The following SWT1 variants were observed in gnomAD, a reference collection of about 807,000 sequenced individuals.
The protein encoded by SWT1 is SWT1 RNA endoribonuclease homolog, also known as transcriptional protein SWT1.
SWT1 carries 33 observed loss-of-function variants against 107.3 expected under a neutral mutation model. That is an observed-to-expected ratio of 0.31 (90% CI 0.23 to 0.41). The LOEUF is 0.41. Among genes scored for constraint, SWT1 ranks in the 10% least tolerant of loss-of-function variants. The pLI is 1.00. For synonymous variants in SWT1, 345 were observed against 348.3 expected, an observed-to-expected ratio of 0.99 and a Z score of 0.11; for missense variants, 898 against 1,028.9, an observed-to-expected ratio of 0.87 and a Z score of 1.74.
intron 16 of SWT1, among the ~76,000 whole-genome samples, chr1:185,258,952 C>A (rs529206786): frequency 2.0e-5 from 3 of 152,184 alleles, no homozygotes; most frequent in Admixed American, 2.0e-4. Flanking sequence ...TCTCGTCATT[C>A]TATCAGCCAT....
intron 18 of SWT1, among the ~76,000 whole-genome samples, chr1:185,285,070 G>A (rs1275604154): frequency 6.6e-6 from 1 of 152,066 alleles, no homozygotes; most frequent in Non-Finnish European, 1.5e-5. Flanking sequence ...TACCTCCACT[G>A]AGGCTTCCTT....
At chr1:185,217,491 T>A (rs1284864477) in intron 14 of SWT1, among the ~76,000 whole-genome samples, 1 of 152,170 alleles carries the variant, frequency 6.6e-6, no homozygotes, top group Non-Finnish European at 1.5e-5. Flanking sequence ...CCTGATGATC[T>A]GTCACTGTCT....
At chr1:185,267,765 A>G (rs1279318940) in intron 16 of SWT1, among the ~76,000 whole-genome samples, 5 of 152,176 alleles carry the variant, frequency 3.3e-5, no homozygotes, top group African/African-American at 2.4e-5. Context: ...CCCAAGGGCT[A>G]ATTTCTTGAT....
chr1:185,193,134 C>G (rs768316364), intron 10 of SWT1, among the ~76,000 whole-genome samples: 10 of 152,090 alleles, frequency 6.6e-5, no homozygotes, highest in Admixed American at 5.9e-4. Flanking sequence ...CCTTGTGACT[C>G]TTTCTCTGAC....
chr1:185,257,748 C>G (rs1268682132), intron 16 of SWT1, among the ~76,000 whole-genome samples: 1 of 152,278 alleles, frequency 6.6e-6, no homozygotes, highest in African/African-American at 2.4e-5. Flanking sequence ...TTCTGCGTCG[C>G]TCACGCTGGT....
intron 17 of SWT1, among the ~76,000 whole-genome samples, chr1:185,276,327 T>C (rs1664236643): frequency 6.6e-6 from 1 of 152,152 alleles, no homozygotes; most frequent in Non-Finnish European, 1.5e-5. Context: ...ATAATCTTAT[T>C]TGTGTTTTTC....
rs1653651925 is a variant in SWT1, at chr1:185,157,195, A to G, written c.-129A>G. ...TAGGTAGTGCGGATGCGGGCGCAGA[A>G]CTACGTTTCCCAGCAGGCATACAGT... On this transcript the variant is annotated 5_prime_UTR_variant, in exon 1 of 19. Transcript: ENST00000367500. The G allele has an allele frequency of 1.3e-5, 2 of 158,788 alleles. No homozygotes were observed. Among genetic ancestry groups the G allele is most frequent in the Admixed American group, 6.2e-5 (1 of 16,076 alleles). The allele number at this position is 158,788 out of a possible 1,614,324, so 9.8% of individuals were successfully genotyped here. A position where few individuals can be genotyped will look rare whatever the true frequency, so the allele number is the denominator to read the frequency against.
Position 185,172,425 on chromosome 1 carries a change from C to T in SWT1, c.225-1947C>T, listed in dbSNP as rs796699149. 1.4e-3 allele frequency among the ~76,000 whole-genome samples: 217 copies of T among 152,148 alleles called. 2 individuals are homozygous for T. The highest frequency in any genetic ancestry group is 5.0e-3 in the African/African-American group (208 of 41,490). ...ATCCTTTTAAAAAACTGTGATATTC[C>T]GTCATATGAATATGTCACTTTTTAA... On this transcript the variant is annotated intron_variant, in intron 4 of 18. Coordinates refer to ENST00000367500, the MANE Select transcript of SWT1 (RefSeq NM_017673.7).
chr1:185,192,782 A>G (rs1326647664), intron 10 of SWT1, among the ~76,000 whole-genome samples: 1 of 151,294 alleles, frequency 6.6e-6, no homozygotes, highest in African/African-American at 2.4e-5. Context: ...CAAGAAGCTG[A>G]GATTACAGGT....
intron 16 of SWT1, among the ~76,000 whole-genome samples, chr1:185,258,418 G>A (rs1394042551): frequency 6.6e-6 from 1 of 151,972 alleles, no homozygotes; most frequent in Admixed American, 6.5e-5. Context: ...TGCTTTATTA[G>A]TTTTTTAAAA....
chr1:185,210,305 G>A (rs1043785395), intron 13 of SWT1, among the ~76,000 whole-genome samples: 1 of 152,174 alleles, frequency 6.6e-6, no homozygotes, highest in Non-Finnish European at 1.5e-5. Flanking sequence ...TCATGCCTAT[G>A]CCCTGAATGG....
intron 16 of SWT1, among the ~76,000 whole-genome samples, chr1:185,259,737 A>G (rs752908084): frequency 6.6e-6 from 1 of 152,126 alleles, no homozygotes; most frequent in Non-Finnish European, 1.5e-5. Flanking sequence ...TTTTCCCTCT[A>G]TAGGGAAATT....
chr1:185,245,398 T>C (rs1395102989), intron 16 of SWT1, among the ~76,000 whole-genome samples: 1 of 152,180 alleles, frequency 6.6e-6, no homozygotes, highest in Admixed American at 6.5e-5. Flanking sequence ...CACATGGAGC[T>C]GTCTCCTATG....
chr1:185,191,400 G>T (rs1656937924), intron 10 of SWT1, among the ~76,000 whole-genome samples: 1 of 151,996 alleles, frequency 6.6e-6, no homozygotes, highest in Non-Finnish European at 1.5e-5. Flanking sequence ...TTTTTAATCA[G>T]TCTACATCAT....
intron 9 of SWT1, among the ~76,000 whole-genome samples, chr1:185,189,834 T>C (rs991441025): frequency 6.7e-6 from 1 of 150,078 alleles, no homozygotes; most frequent in South Asian, 2.1e-4. Context: ...CTTATATATG[T>C]ATATATAAAT....
At chr1:185,225,362 T>A (rs1659970940) in intron 15 of SWT1, among the ~76,000 whole-genome samples, 1 of 152,166 alleles carries the variant, frequency 6.6e-6, no homozygotes, top group African/African-American at 2.4e-5. Flanking sequence ...AGGATATTGG[T>A]CTGTAGTTTC....
chr1:185,224,130 C>A (rs1289518487), intron 15 of SWT1, among the ~76,000 whole-genome samples: 1 of 152,110 alleles, frequency 6.6e-6, no homozygotes, highest in Non-Finnish European at 1.5e-5. Flanking sequence ...GTATAGTTTG[C>A]ATATATTTTC....
intron 4 of SWT1, among the ~76,000 whole-genome samples, chr1:185,173,121 CT>C (rs1434196690): frequency 6.7e-6 from 1 of 150,012 alleles, no homozygotes; most frequent in Non-Finnish European, 1.5e-5. Flanking sequence ...AGAAGTCAAA[CT>C]TTTTAAAAAT....
chr1:185,181,594 CT>C (rs1656024144), intron 6 of SWT1, among the ~76,000 whole-genome samples: 1 of 152,134 alleles, frequency 6.6e-6, no homozygotes, highest in South Asian at 2.1e-4. Flanking sequence ...ACTTTAATGT[CT>C]AGGTATTTGG....
Sources: gnomAD v4.1 joint callset for allele counts (sites outside exome capture counted in the v4.1 genomes callset) on GRCh38, gnomAD v4.1.1 for gene constraint, MANE v1.5 for transcripts, NCBI Gene and HGNC (gene_info 2026-07-23, HGNC 2026-07-21) for gene names.